The following RAPGEF6 variants were observed in gnomAD, a reference collection of about 807,000 sequenced individuals.
RAPGEF6 encodes the protein PDZ domain containing guanine nucleotide exchange factor (GEF) 2.
In RAPGEF6, 56 loss-of-function variants were observed where a neutral mutation model predicts 171.4. The observed-to-expected ratio is 0.33, with a 90% CI of 0.26 to 0.41. The LOEUF is 0.41. Among genes scored for constraint, RAPGEF6 ranks in the 10% least tolerant of loss-of-function variants. The pLI, the probability that RAPGEF6 is intolerant of heterozygous loss-of-function variation, is 1.00. For missense variants in RAPGEF6, 1,674 were observed against 1,921.4 expected, an observed-to-expected ratio of 0.87 and a Z score of 2.41; for synonymous variants, 692 against 650.1, an observed-to-expected ratio of 1.06 and a Z score of -0.98.
intron 21 of RAPGEF6, among the ~76,000 whole-genome samples, 183 bp downstream of exon 21, chr5:131,452,871 G>A (rs759561062): frequency 3.3e-5 from 5 of 152,072 alleles, no homozygotes; most frequent in African/African-American, 4.8e-5. Context: ...TATGTATAAC[G>A]AAGGCTAATA....
At chr5:131,475,560 C>T (rs917853822) in intron 16 of RAPGEF6, among the ~76,000 whole-genome samples, 1 of 152,066 alleles carries the variant, frequency 6.6e-6, no homozygotes, top group African/African-American at 2.4e-5. Flanking sequence ...GGGATTGTTA[C>T]AATGAATAAC....
intron 26 of RAPGEF6, among the ~76,000 whole-genome samples, chr5:131,430,504 G>A (rs1306728177): frequency 6.6e-6 from 1 of 152,012 alleles, no homozygotes; most frequent in African/African-American, 2.4e-5. Flanking sequence ...TACCAATTGT[G>A]GTCCAAACAA....
chr5:131,516,129 C>G (rs1477716759), intron 7 of RAPGEF6, among the ~76,000 whole-genome samples: 1 of 135,190 alleles, frequency 7.4e-6, no homozygotes, highest in African/African-American at 2.9e-5. Flanking sequence ...TTCTCTGTCA[C>G]CCAGGCTGGA....
At chr5:131,594,876 AC>A (rs2150006007) in intron 3 of RAPGEF6, among the ~76,000 whole-genome samples, 1 of 150,782 alleles carries the variant, frequency 6.6e-6, no homozygotes, top group Admixed American at 6.6e-5. Context: ...AGGAGCATTT[AC>A]CCCATGCCTG....
At chr5:131,599,511 C>T (rs1764101802) in intron 3 of RAPGEF6, among the ~76,000 whole-genome samples, 1 of 152,148 alleles carries the variant, frequency 6.6e-6, no homozygotes, top group Non-Finnish European at 1.5e-5. Context: ...GATACACACA[C>T]ACACACCTAC....
At chr5:131,492,460 TA>T (rs1756345690) in intron 14 of RAPGEF6, 121 bp downstream of exon 14, 24 of 930,332 alleles carry the variant, frequency 2.6e-5, no homozygotes, top group Non-Finnish European at 3.1e-5. Flanking sequence ...ATACTACCTC[TA>T]AAAAAAGGCT....
At chr5:131,581,882 T>G (rs979875513) in intron 4 of RAPGEF6, among the ~76,000 whole-genome samples, 31 of 152,094 alleles carry the variant, frequency 2.0e-4, no homozygotes, top group African/African-American at 7.0e-4. Context: ...CTTGTGACAA[T>G]ACACCCTCCC....
intron 4 of RAPGEF6, among the ~76,000 whole-genome samples, chr5:131,584,733 C>A (rs992957875): frequency 3.9e-5 from 6 of 152,194 alleles, no homozygotes; most frequent in African/African-American, 1.2e-4. Flanking sequence ...GCTAACCAGT[C>A]CTGTGGCTTC....
intron 3 of RAPGEF6, among the ~76,000 whole-genome samples, chr5:131,596,780 G>T (rs539198834): frequency 6.6e-6 from 1 of 152,136 alleles, no homozygotes; most frequent in Admixed American, 6.5e-5. Context: ...CTGAAACCAC[G>T]AAATCTACTG....
chr5:131,567,036 G>A (rs1287424043), intron 4 of RAPGEF6, among the ~76,000 whole-genome samples: 2 of 150,182 alleles, frequency 1.3e-5, no homozygotes, highest in Non-Finnish European at 2.9e-5. Flanking sequence ...GGAGTTTGCA[G>A]TGAGCCAAGA....
intron 8 of RAPGEF6, among the ~76,000 whole-genome samples, 200 bp downstream of exon 8, chr5:131,510,114 A>T (rs551909799): frequency 6.6e-6 from 1 of 152,192 alleles, no homozygotes; most frequent in Non-Finnish European, 1.5e-5. Flanking sequence ...GCCCTGTGTC[A>T]ATTCTGACAA....
At chr5:131,521,874 C>T (rs1301010047) in intron 6 of RAPGEF6, among the ~76,000 whole-genome samples, 1 of 138,134 alleles carries the variant, frequency 7.2e-6, no homozygotes, top group Admixed American at 7.5e-5. Context: ...CACACACACA[C>T]ACACACACAC....
chr5:131,582,115 G>C (rs1279173623), intron 4 of RAPGEF6, among the ~76,000 whole-genome samples: 1 of 152,142 alleles, frequency 6.6e-6, no homozygotes, highest in African/African-American at 2.4e-5. Context: ...GCATCCAAGT[G>C]AATAAATAGC....
At chr5:131,571,453 A>G (rs1421911923) in intron 4 of RAPGEF6, among the ~76,000 whole-genome samples, 1 of 152,180 alleles carries the variant, frequency 6.6e-6, no homozygotes, top group African/African-American at 2.4e-5. Context: ...CAAAAATACT[A>G]AAAAAATATA....
intron 9 of RAPGEF6, among the ~76,000 whole-genome samples, chr5:131,505,826 C>T (rs1271162842): frequency 1.3e-5 from 2 of 152,208 alleles, no homozygotes; most frequent in Admixed American, 1.3e-4. Context: ...ATGCCACCAA[C>T]TAGCTGAATG....
intron 1 of RAPGEF6, among the ~76,000 whole-genome samples, chr5:131,605,706 G>A (rs1024565530): frequency 2.0e-5 from 3 of 152,026 alleles, no homozygotes; most frequent in African/African-American, 7.2e-5. Flanking sequence ...TTTCTAGTAG[G>A]TTAATAAGAC....
Position 131,498,133 on chromosome 5 carries a change from G to C in RAPGEF6, c.1419+310C>G, listed in dbSNP as rs866305962. ...TAAATCCGTTTTAAAATGTTTTATT[G>C]ATCTCCAGAAACAATCAAGTATTTC... On this transcript the variant is annotated intron_variant, in intron 12 of 27. Transcript: ENST00000509018. Among the ~76,000 whole-genome samples the C allele has an allele frequency of 1.3e-4, 20 of 152,200 alleles. No individual in the cohort carries two copies. The Middle Eastern group carries it at 0.02, about 155-fold the overall frequency.
At chr5:131,632,563 T>G (rs999527697) in intron 1 of RAPGEF6, among the ~76,000 whole-genome samples, 1 of 152,210 alleles carries the variant, frequency 6.6e-6, no homozygotes, top group African/African-American at 2.4e-5. Flanking sequence ...CCTTCCCCAC[T>G]CTTCATGCTA....
chr5:131,569,528 A>AAT (rs1321537148), intron 4 of RAPGEF6, among the ~76,000 whole-genome samples: 5 of 152,304 alleles, frequency 3.3e-5, no homozygotes, highest in Admixed American at 6.5e-5. Context: ...CATATGCAAA[A>AAT]ATATATATAT....
Sources: allele counts gnomAD v4.1 joint callset (sites outside exome capture counted in the v4.1 genomes callset), GRCh38; gene constraint gnomAD v4.1.1; transcripts MANE v1.5; gene names NCBI Gene and HGNC (gene_info 2026-07-23, HGNC 2026-07-21).